The following ZNF536 variants were observed in gnomAD, a reference collection of about 807,000 sequenced individuals.
The protein encoded by ZNF536 is zinc finger protein 536.
Under a neutral mutation model 84.5 loss-of-function variants are expected in ZNF536, and 13 were observed. The observed-to-expected ratio is 0.15, with a 90% CI of 0.10 to 0.24. The LOEUF (loss-of-function observed/expected upper bound fraction) is 0.24. Among genes scored for constraint, ZNF536 ranks in the 10% least tolerant of loss-of-function variants. The pLI is 1.00. For missense variants in ZNF536, 1,536 were observed against 1,747.5 expected, an observed-to-expected ratio of 0.88 and a Z score of 2.16; for synonymous variants, 811 against 742.5, an observed-to-expected ratio of 1.09 and a Z score of -1.50.
chr19:30,410,248 A>C (rs1450751959), intron 1 of ZNF536, among the ~76,000 whole-genome samples: 2 of 152,028 alleles, frequency 1.3e-5, no homozygotes, highest in East Asian at 3.9e-4. Context: ...CTAATCCATT[A>C]AGTGCTTATT....
intron 1 of ZNF536, among the ~76,000 whole-genome samples, chr19:30,664,260 C>A (rs2050238733): frequency 6.9e-6 from 1 of 144,834 alleles, no homozygotes; most frequent in Non-Finnish European, 1.5e-5. Flanking sequence ...CTCTCTCTCT[C>A]TCCCTCTCCC....
At chr19:30,672,100 A>G (rs1414775090) in intron 1 of ZNF536, among the ~76,000 whole-genome samples, 1 of 152,206 alleles carries the variant, frequency 6.6e-6, no homozygotes, top group African/African-American at 2.4e-5. Context: ...TCCTTGCTAT[A>G]ATATTTTATT....
chr19:30,667,479 C>T (rs1261615047), intron 1 of ZNF536, among the ~76,000 whole-genome samples: 1 of 152,098 alleles, frequency 6.6e-6, no homozygotes, highest in Non-Finnish European at 1.5e-5. Context: ...CATGCCGAAG[C>T]TGCCTGTGAG....
chr19:30,270,295 C>T (rs1204462570), intron 1 of ZNF536, among the ~76,000 whole-genome samples: 1 of 152,164 alleles, frequency 6.6e-6, no homozygotes, highest in Non-Finnish European at 1.5e-5. Flanking sequence ...AATTATAATG[C>T]TATGGCCTAT....
chr19:30,554,704 C>T (rs1425737280), intron 4 of ZNF536: 2 of 152,142 alleles, frequency 1.3e-5, no homozygotes, highest in African/African-American at 4.8e-5. Context: ...CCACAGCTAC[C>T]ATAGACAATA....
intron 3 of ZNF536, among the ~76,000 whole-genome samples, chr19:30,538,409 C>T (rs996096798): frequency 3.3e-5 from 5 of 152,182 alleles, no homozygotes; most frequent in Non-Finnish European, 5.9e-5. Flanking sequence ...TTGGAAGTCT[C>T]GATCATGTAA....
At chr19:30,471,021 A>G (rs1393274925) in intron 2 of ZNF536, among the ~76,000 whole-genome samples, 2 of 143,684 alleles carry the variant, frequency 1.4e-5, no homozygotes, top group East Asian at 2.1e-4. Flanking sequence ...GGGTCTCGCT[A>G]TGTTGCCCAG....
At chr19:30,267,144 T>G (rs985909358) in intron 1 of ZNF536, among the ~76,000 whole-genome samples, 1 of 152,254 alleles carries the variant, frequency 6.6e-6, no homozygotes, top group Admixed American at 6.5e-5. Flanking sequence ...AATATTTTTG[T>G]GAAAATTTTG....
intron 1 of ZNF536, among the ~76,000 whole-genome samples, chr19:30,574,122 A>G (rs2046646936): frequency 6.6e-6 from 1 of 152,208 alleles, no homozygotes; most frequent in South Asian, 2.1e-4. Context: ...TAGCTGCAAT[A>G]GTATCTATTT....
chr19:30,563,272 C>A (rs1004494752), intron 1 of ZNF536, among the ~76,000 whole-genome samples: 9 of 152,156 alleles, frequency 5.9e-5, no homozygotes, highest in African/African-American at 1.9e-4. Flanking sequence ...GGATTCTTCC[C>A]ATCCCTGGGG....
At chr19:30,386,067 G>C (rs2049328665) in intron 1 of ZNF536, among the ~76,000 whole-genome samples, 1 of 152,118 alleles carries the variant, frequency 6.6e-6, no homozygotes, top group South Asian at 2.1e-4. Context: ...TGCATCCAAG[G>C]CCCCTCAATA....
chr19:30,383,679 TCTTCCTTC>T (rs1236048192), intron 1 of ZNF536, among the ~76,000 whole-genome samples: 2,724 of 16,680 alleles, frequency 0.16, 224 homozygotes, highest in African/African-American at 0.24. Flanking sequence ...TTTCTTCCTT[TCTTCCTTC>T]CTTTCTTTTC....
At chr19:30,355,090 T>C (rs1244331042) in intron 3 of ZNF536, among the ~76,000 whole-genome samples, 2 of 152,202 alleles carry the variant, frequency 1.3e-5, no homozygotes, top group African/African-American at 2.4e-5. Flanking sequence ...GGGTGATTTA[T>C]AAAGAAAGCA....
chr19:30,544,853 A>C (rs7255922), intron 3 of ZNF536, among the ~76,000 whole-genome samples: 1 of 152,140 alleles, frequency 6.6e-6, no homozygotes, highest in Non-Finnish European at 1.5e-5. Context: ...GTGCTTCAAC[A>C]TGTCTTATTA....
upstream of ZNF536, among the ~76,000 whole-genome samples, chr19:30,226,621 G>A (rs534616923): frequency 3.3e-5 from 5 of 152,238 alleles, no homozygotes; most frequent in East Asian, 9.7e-4. The surrounding 1 kb of genome is among the most constrained non-coding windows in gnomAD (Gnocchi z 4.6). Flanking sequence ...GGCGCCCGCA[G>A]CACCTGCCCC....
At chr19:30,688,852 C>G (rs1436958389) in intron 1 of ZNF536, among the ~76,000 whole-genome samples, 1 of 152,200 alleles carries the variant, frequency 6.6e-6, no homozygotes, top group Non-Finnish European at 1.5e-5. Flanking sequence ...CTACACATCA[C>G]CCTGGCTGGC....
At chr19:30,432,119 C>T (rs1454517698) in intron 1 of ZNF536, among the ~76,000 whole-genome samples, 1 of 151,742 alleles carries the variant, frequency 6.6e-6, no homozygotes, top group Non-Finnish European at 1.5e-5. Flanking sequence ...AGATAAAAAT[C>T]CATTACAGAG....
chr19:30,532,478 G>A (rs566956616), intron 2 of ZNF536, among the ~76,000 whole-genome samples: 4 of 152,160 alleles, frequency 2.6e-5, no homozygotes, highest in Non-Finnish European at 5.9e-5. Context: ...TCATCCTGAA[G>A]CCAACATCCA....
intron 2 of ZNF536, among the ~76,000 whole-genome samples, chr19:30,484,190 C>A (rs1358132022): frequency 6.6e-6 from 1 of 150,958 alleles, no homozygotes; most frequent in African/African-American, 2.4e-5. Context: ...CCCAGAAATT[C>A]AAATTCATCA....
Sources: gnomAD v4.1 joint callset for allele counts (sites outside exome capture counted in the v4.1 genomes callset) on GRCh38, gnomAD v4.1.1 for gene constraint, Gnocchi (gnomAD v3.1) non-coding constraint, MANE v1.5 for transcripts, NCBI Gene and HGNC (gene_info 2026-07-23, HGNC 2026-07-21) for gene names.